The following HAS3 variants were observed in gnomAD, a reference collection of about 807,000 sequenced individuals.
HAS3 encodes HA synthase 3.
In HAS3, 27 loss-of-function variants were observed where a neutral mutation model predicts 50.3. The observed-to-expected ratio is 0.54, with a 90% CI of 0.40 to 0.74. The LOEUF (loss-of-function observed/expected upper bound fraction) is 0.74, where lower values mean the gene tolerates loss of function less well. HAS3 is among the 30% of genes least tolerant of loss of function. HAS3 has a pLI of 0.00. For synonymous variants in HAS3, 339 were observed against 310.9 expected, an observed-to-expected ratio of 1.09 and a Z score of -0.95; for missense variants, 517 against 742.8, an observed-to-expected ratio of 0.70 and a Z score of 3.53.
the HAS3 span, among the ~76,000 whole-genome samples, chr16:69,086,267 C>T: frequency 6.6e-6 from 1 of 151,528 alleles, no homozygotes; most frequent in African/African-American, 2.4e-5. Context: ...CTCCTGGGCT[C>T]GAGCAATCCA....
At chr16:69,085,855 AG>A in the HAS3 span, among the ~76,000 whole-genome samples, 1 of 152,088 alleles carries the variant, frequency 6.6e-6, no homozygotes, top group African/African-American at 2.4e-5. Context: ...CTGGGATTAC[AG>A]GCATGAGCCA....
chr16:69,118,047 A>AGAT (rs767374898), downstream of HAS3: 6 of 424,724 alleles, frequency 1.4e-5, no homozygotes, highest in South Asian at 6.0e-5. Flanking sequence ...CAGTAAGAAA[A>AGAT]GATACAATGC....
chr16:69,112,317 G>C (rs191910908), intron 2 of HAS3, among the ~76,000 whole-genome samples: 3 of 152,328 alleles, frequency 2.0e-5, no homozygotes, highest in Non-Finnish European at 4.4e-5. Flanking sequence ...CCCAGGCATG[G>C]ACCAGGATGT....
At chr16:69,110,140 ACACC>A in intron 2 of HAS3, 109 bp downstream of exon 2, 7 of 1,094,526 alleles carry the variant, frequency 6.4e-6, no homozygotes, top group South Asian at 1.6e-5. Flanking sequence ...GGTTGTGCAC[ACACC>A]TGTGCACTTA....
the HAS3 span, among the ~76,000 whole-genome samples, chr16:69,099,891 T>C: frequency 6.6e-6 from 1 of 152,202 alleles, no homozygotes; most frequent in East Asian, 1.9e-4. Flanking sequence ...TTTTTCTGTT[T>C]AGGATTCTGA....
chr16:69,118,390 G>A (rs1208191108), downstream of HAS3: 1 of 1,613,244 alleles, frequency 6.2e-7, no homozygotes, highest in Admixed American at 1.7e-5. Flanking sequence ...AGGATGACCA[G>A]GTCCAAGCTG....
At position 69,115,032 on chromosome 16, in the gene HAS3, G is replaced by C; in HGVS notation, c.1428G>C (p.Val476=). ...CCTCTGGCCGAAAAACCATTGTGGTGAACTTCATTGGCCTCATTCCTGTGT... is the reference window on the plus strand; with the variant it reads ...CCTCTGGCCGAAAAACCATTGTGGTCAACTTCATTGGCCTCATTCCTGTGT... ...WGTSGRKTIV[V]NFIGLIPVSI... Residue 476 remains valine (V), a synonymous_variant, in exon 4 of 4, where the codon GTG becomes GTC. Transcript: ENST00000569188. 1 of 1,614,162 alleles carries C rather than the reference G, an allele frequency of 6.2e-7. No individual in the cohort carries two copies. Among genetic ancestry groups the C allele is most frequent in the Non-Finnish European group, 8.5e-7 (1 of 1,180,018 alleles).
In HAS3 at chr16:69,109,983, C is replaced by G. The variant is rs775109377; in HGVS notation, c.588C>G (p.Val196=). 2 of 1,613,764 alleles carry G rather than the reference C, an allele frequency of 1.2e-6. No individual in the cohort carries two copies. The highest frequency in any genetic ancestry group is 2.2e-5 in the South Asian group (2 of 91,068). Residue 196 remains valine (V), a synonymous_variant, in exon 2 of 4, where the codon GTC becomes GTG. Coordinates refer to ENST00000569188, the MANE Select transcript of HAS3 (RefSeq NM_001199280.2). This position sits in a 1 kb window ranked among gnomAD's most constrained non-coding sequence, Gnocchi z 5.3. ...IMQKWGGKRE[V]MYTAFKALGD... ...AGAAGTGGGGAGGCAAGCGCGAGGT[C>G]ATGTACACGGCCTTCAAGGCCCTCG...
chr16:69,083,787 T>C, the HAS3 span: 1 of 1,110,002 alleles, frequency 9.0e-7, no homozygotes, highest in Non-Finnish European at 1.3e-6. Flanking sequence ...GGGGTGGTTT[T>C]ATGGTGCAGG....
the HAS3 span, among the ~76,000 whole-genome samples, chr16:69,087,218 C>T: frequency 1.3e-5 from 2 of 152,210 alleles, no homozygotes; most frequent in Non-Finnish European, 1.5e-5. Context: ...TAGGCTCTTC[C>T]TCCTCTTCCC....
chr16:69,090,808 A>G, the HAS3 span, among the ~76,000 whole-genome samples: 3 of 152,154 alleles, frequency 2.0e-5, no homozygotes, highest in Non-Finnish European at 4.4e-5. Flanking sequence ...CCTGGGCTCA[A>G]AAGATCCACC....
the HAS3 span, among the ~76,000 whole-genome samples, chr16:69,086,629 G>A: frequency 5.3e-5 from 8 of 151,740 alleles, no homozygotes; most frequent in Non-Finnish European, 1.0e-4. Context: ...AAACGGCCGG[G>A]CACAGTGGCT....
chr16:69,108,237 C>G (rs1195425970), intron 1 of HAS3, among the ~76,000 whole-genome samples: 1 of 152,166 alleles, frequency 6.6e-6, no homozygotes, highest in Non-Finnish European at 1.5e-5. Flanking sequence ...ACCACAGTCA[C>G]CCTCACCACT....
At chr16:69,087,751 G>A in the HAS3 span, among the ~76,000 whole-genome samples, 2 of 141,870 alleles carry the variant, frequency 1.4e-5, no homozygotes, top group Admixed American at 1.5e-4. Flanking sequence ...TGCCCTGGCT[G>A]GAGTGCAATG....
In HAS3 at chr16:69,110,040, G is replaced by T; in HGVS notation, c.636+9G>T. ...CGGTGGACTACATCCAGGTAAGGGC[G>T]CCTCCCTAGGAGCGTGTGTACATGG... On this transcript the variant is annotated intron_variant, in intron 2 of 3. Transcript: ENST00000569188. 1.3e-6 allele frequency: 2 copies of T among 1,597,476 alleles called. No individual in the cohort carries two copies. Among genetic ancestry groups the T allele is most frequent in the Non-Finnish European group, 1.7e-6 (2 of 1,170,012 alleles).
In HAS3 at chr16:69,116,972, C is replaced by G. The variant is rs1421728335; in HGVS notation, c.*1706C>G. 1 of 985,314 alleles carries G rather than the reference C, an allele frequency of 1.0e-6. No individual in the cohort carries two copies. The highest frequency in any genetic ancestry group is 1.1e-4 in the East Asian group (1 of 8,832). 61.0% of individuals were successfully genotyped at this position (985,314 alleles called of 1,614,324 possible). On this transcript the variant is annotated 3_prime_UTR_variant, in exon 4 of 4. Transcript: ENST00000569188. ...GCTCTGAGCCACAGATGGGCAAACC[C>G]TGGTGCTTTCCTTCATCTCCCACGA...
At chr16:69,112,935 T>C (rs957719422) in intron 2 of HAS3, among the ~76,000 whole-genome samples, 30 of 152,218 alleles carry the variant, frequency 2.0e-4, no homozygotes, top group African/African-American at 7.2e-4. Context: ...AGCAGCCTTA[T>C]TACTGGTCTC....
chr16:69,094,020 C>T, the HAS3 span, among the ~76,000 whole-genome samples: 1 of 152,098 alleles, frequency 6.6e-6, no homozygotes, highest in African/African-American at 2.4e-5. Flanking sequence ...TTGGCCAGCC[C>T]CTAACTCCAG....
chr16:69,086,710 G>T, the HAS3 span, among the ~76,000 whole-genome samples: 1 of 152,124 alleles, frequency 6.6e-6, no homozygotes, highest in Non-Finnish European at 1.5e-5. Flanking sequence ...TTCGAGACCA[G>T]CCTGACCAAC....
Sources: gnomAD v4.1 joint callset for allele counts (sites outside exome capture counted in the v4.1 genomes callset) on GRCh38, gnomAD v4.1.1 for gene constraint, Gnocchi (gnomAD v3.1) non-coding constraint, MANE v1.5 for transcripts, NCBI Gene and HGNC (gene_info 2026-07-23, HGNC 2026-07-21) for gene names.